SIPA1L3: variants seen among roughly 807,000 people sequenced by gnomAD.
SIPA1L3 encodes signal-induced proliferation-associated 1-like protein 3.
In SIPA1L3, 59 loss-of-function variants were observed where a neutral mutation model predicts 150.1. The observed-to-expected ratio is 0.39, with a 90% CI of 0.32 to 0.49. The LOEUF is 0.49. Ranked by LOEUF, SIPA1L3 falls within the 20% of genes least tolerant of loss-of-function variation. The probability of loss-of-function intolerance (pLI) is 0.86; values close to 1 mark genes in which losing one functional copy is unlikely to be tolerated. For missense variants in SIPA1L3, 2,211 were observed against 2,489.5 expected (o/e 0.89, Z 2.38); for synonymous variants, 1,070 against 1,077.6 (o/e 0.99, Z 0.14).
chr19:38,063,636 G>A (rs1969503799), intron 2 of SIPA1L3, among the ~76,000 whole-genome samples: 1 of 152,200 alleles, frequency 6.6e-6, no homozygotes, highest in Non-Finnish European at 1.5e-5. Context: ...GGCTTGGCCT[G>A]GCCACAGGAG....
At chr19:38,022,152 G>A (rs1968385835) in intron 1 of SIPA1L3, among the ~76,000 whole-genome samples, 1 of 152,208 alleles carries the variant, frequency 6.6e-6, no homozygotes, top group Non-Finnish European at 1.5e-5. Flanking sequence ...TACTTGCTGT[G>A]TGATCTTGGG....
At chr19:37,908,452 C>G (rs926746833) in intron 1 of SIPA1L3, among the ~76,000 whole-genome samples, 13 of 152,200 alleles carry the variant, frequency 8.5e-5, no homozygotes, top group African/African-American at 2.9e-4. Flanking sequence ...CTGAGCTCCC[C>G]CACACATTTG....
intron 10 of SIPA1L3, among the ~76,000 whole-genome samples, chr19:38,134,270 C>T (rs1026747828): frequency 6.6e-6 from 1 of 151,364 alleles, no homozygotes; most frequent in African/African-American, 2.4e-5. Context: ...AGGCATGAGC[C>T]ACTGCACCCA....
intron 12 of SIPA1L3, among the ~76,000 whole-genome samples, chr19:38,148,751 C>G (rs940527928): frequency 2.0e-5 from 3 of 152,168 alleles, no homozygotes; most frequent in Non-Finnish European, 2.9e-5. Context: ...CCCTGCTCCC[C>G]GTAAGGTTCC....
rs192414992 is a variant in SIPA1L3 at position 37,923,408 on chromosome 19, C to T, written c.-379+16050C>T. Among the ~76,000 whole-genome samples the T allele has an allele frequency of 4.6e-5, 7 of 152,292 alleles. No homozygotes were observed. The East Asian group carries it at 1.3e-3, about 29-fold the overall frequency. On this transcript the variant is annotated intron_variant, in intron 1 of 21. Coordinates refer to ENST00000222345, the MANE Select transcript of SIPA1L3 (RefSeq NM_015073.3). ...ACAAACCTACACACATGTGACTGCC[C>T]TGAATTCTGTGGGCAGTTGTAACAC...
At chr19:37,930,202 T>G (rs1359682232) in intron 1 of SIPA1L3, among the ~76,000 whole-genome samples, 2 of 152,002 alleles carry the variant, frequency 1.3e-5, no homozygotes, top group African/African-American at 2.4e-5. Context: ...TTTGTATTTT[T>G]AGTAGAGACG....
chr19:37,925,888 G>A (rs180897363), intron 1 of SIPA1L3, among the ~76,000 whole-genome samples: 14 of 152,140 alleles, frequency 9.2e-5, no homozygotes, highest in Admixed American at 2.0e-4. Flanking sequence ...CATTGCGCCC[G>A]GCCGATTTAT....
rs183571048 is a variant in SIPA1L3, at chr19:38,042,041, C to G, written c.-311+12885C>G. 9.2e-5 allele frequency among the ~76,000 whole-genome samples: 14 copies of G among 152,304 alleles called. No individual in the cohort carries two copies. In the East Asian group the frequency reaches 1.3e-3, roughly 15 times the overall value. Reference sequence around the variant, plus strand: ...GATTGTTTCCTTTGCTGTGCAGAAGCTTTTTAGTTCGATGTAGTCCCGTTT... The same window carrying G: ...GATTGTTTCCTTTGCTGTGCAGAAGGTTTTTAGTTCGATGTAGTCCCGTTT... On this transcript the variant is annotated intron_variant, in intron 2 of 21. Transcript: ENST00000222345.
rs537057470 is a variant in SIPA1L3 at position 37,985,111 on chromosome 19, G to A, written c.-378-43978G>A. Among the ~76,000 whole-genome samples the A allele has an allele frequency of 7.9e-5, 12 of 152,266 alleles. No individual in the cohort carries two copies. The South Asian group carries it at 2.3e-3, about 29-fold the overall frequency. On this transcript the variant is annotated intron_variant, in intron 1 of 21. Transcript: ENST00000222345. The stretch of plus-strand genomic sequence containing the variant: ...TTCAATTATTGTAGCATTTTGGGAG[G>A]CCAAGGCAGGAGGATCAGTTGAGGC...
At position 38,105,396 on chromosome 19, in the gene SIPA1L3, A is replaced by G. The variant is rs112501872; in HGVS notation, c.2030-1141A>G. Among the ~76,000 whole-genome samples, 180 of 151,610 alleles carry G rather than the reference A, an allele frequency of 1.2e-3. 1 individual carries two copies. Among genetic ancestry groups the G allele is most frequent in the African/African-American group, 4.3e-3 (176 of 41,370 alleles). ...AAAAAAAAGAACAGATCTGGAATCCAACAGCCTGAGTACTGGTCCAGACGC... is the reference window on the plus strand; with the variant it reads ...AAAAAAAAGAACAGATCTGGAATCCGACAGCCTGAGTACTGGTCCAGACGC... On this transcript the variant is annotated intron_variant, in intron 6 of 21. Coordinates refer to ENST00000222345, the MANE Select transcript of SIPA1L3 (RefSeq NM_015073.3).
At chr19:37,994,947 A>G (rs1284150260) in intron 1 of SIPA1L3, among the ~76,000 whole-genome samples, 1 of 152,104 alleles carries the variant, frequency 6.6e-6, no homozygotes, top group Non-Finnish European at 1.5e-5. Flanking sequence ...TTCTGTGTTC[A>G]ACCCTCTGTG....
intron 1 of SIPA1L3, among the ~76,000 whole-genome samples, chr19:37,951,694 A>C (rs353412): frequency 0.82 from 124,618 of 151,730 alleles, 51,787 homozygotes; most frequent in African/African-American, 0.94. Flanking sequence ...GTCAGGAAAT[A>C]GAGACTATCC....
At chr19:38,019,500 C>T (rs946069280) in intron 1 of SIPA1L3, among the ~76,000 whole-genome samples, 1 of 152,146 alleles carries the variant, frequency 6.6e-6, no homozygotes, top group Non-Finnish European at 1.5e-5. Flanking sequence ...TTGCATTGGC[C>T]AGGCTGGCTG....
At chr19:38,085,434 C>T (rs762353851) in intron 3 of SIPA1L3, among the ~76,000 whole-genome samples, 4 of 147,310 alleles carry the variant, frequency 2.7e-5, no homozygotes, top group East Asian at 2.0e-4. Flanking sequence ...GAGCCGAGAT[C>T]GCGCCACTGC....
At chr19:38,117,977 T>A (rs974769874) in intron 8 of SIPA1L3, among the ~76,000 whole-genome samples, 14 of 152,106 alleles carry the variant, frequency 9.2e-5, no homozygotes, top group Admixed American at 3.3e-4. Flanking sequence ...CTCTCCTGAG[T>A]TGCTATCAGA....
Position 38,096,239 on chromosome 19 carries a change from T to C in SIPA1L3, c.1666-3723T>C, listed in dbSNP as rs1214676627. 3.3e-5 allele frequency among the ~76,000 whole-genome samples: 5 copies of C among 152,166 alleles called. No individual in the cohort carries two copies. The East Asian group carries it at 7.7e-4, about 23-fold the overall frequency. On this transcript the variant is annotated intron_variant, in intron 4 of 21. Transcript: ENST00000222345. Reference sequence around the variant, plus strand: ...AGCATGTTTTTGCAGTTAATACTTATCCTCCTTAGTCTTTTTGTTGTTGTT... The same window carrying C: ...AGCATGTTTTTGCAGTTAATACTTACCCTCCTTAGTCTTTTTGTTGTTGTT...
intron 1 of SIPA1L3, among the ~76,000 whole-genome samples, chr19:37,970,821 A>C (rs1004478111): frequency 6.6e-6 from 1 of 152,198 alleles, no homozygotes; most frequent in Admixed American, 6.5e-5. Flanking sequence ...GCTGTAACAG[A>C]CCCAGGATAG....
chr19:38,130,990 G>T (rs1447146064), intron 10 of SIPA1L3, among the ~76,000 whole-genome samples: 3 of 152,226 alleles, frequency 2.0e-5, no homozygotes, highest in Admixed American at 2.0e-4. Context: ...GTGCATGATC[G>T]CATTTAATCT....
At chr19:38,118,564 C>G (rs1009063045) in intron 8 of SIPA1L3, among the ~76,000 whole-genome samples, 1 of 151,468 alleles carries the variant, frequency 6.6e-6, no homozygotes. Flanking sequence ...GAGACAGTCT[C>G]GATCTGTGCC....
Sources: allele counts gnomAD v4.1 joint callset (sites outside exome capture counted in the v4.1 genomes callset), GRCh38; gene constraint gnomAD v4.1.1; transcripts MANE v1.5; gene names NCBI Gene and HGNC (gene_info 2026-07-23, HGNC 2026-07-21).